CCDC6: variants seen among roughly 807,000 people sequenced by gnomAD.
CCDC6 encodes the protein coiled-coil domain containing 6, also known as coiled-coil domain-containing protein 6.
Under a neutral mutation model 56.6 loss-of-function variants are expected in CCDC6, and 20 were observed. The ratio of observed to expected loss-of-function variants is 0.35; its 90% confidence interval spans 0.25 to 0.51. CCDC6 has a LOEUF of 0.51. Among genes scored for constraint, CCDC6 ranks in the 20% least tolerant of loss-of-function variants. The pLI is 0.95. For missense variants in CCDC6, 367 were observed against 601.1 expected (o/e 0.61, Z 4.07); for synonymous variants, 241 against 234.4 (o/e 1.03, Z -0.26).
chr10:59,906,109 G>A lies in CCDC6; in HGVS notation c.303+13C>T, dbSNP rs773078014. Reference sequence around the variant, plus strand: ...GAGGTCGGCGCTGCGGCGCGTCCCCGGGGGGCACTCACGATGGTCACGCTG... The same window carrying A: ...GAGGTCGGCGCTGCGGCGCGTCCCCAGGGGGCACTCACGATGGTCACGCTG... On this transcript the variant is annotated intron_variant, in intron 1 of 8. Transcript: ENST00000263102. 5.1e-6 allele frequency: 8 copies of A among 1,566,954 alleles called. No individual in the cohort carries two copies. Among genetic ancestry groups the A allele is most frequent in the Non-Finnish European group, 6.1e-6 (7 of 1,154,266 alleles).
At chr10:59,793,875 T>C (rs1589031385) in intron 8 of CCDC6, among the ~76,000 whole-genome samples, 1 of 152,220 alleles carries the variant, frequency 6.6e-6, no homozygotes, top group Non-Finnish European at 1.5e-5. Flanking sequence ...GGTTCTTCTT[T>C]AAAATATTAT....
Position 59,796,178 on chromosome 10 carries a change from G to T in CCDC6, c.1106-1581C>A, listed in dbSNP as rs2070516499. 2.6e-5 allele frequency among the ~76,000 whole-genome samples: 4 copies of T among 152,142 alleles called. No individual in the cohort carries two copies. In the South Asian group the frequency reaches 8.3e-4, roughly 31 times the overall value. ...TTTAATGATTGCCATTCTAACTGGT[G>T]TAAGATGGTATCTCACTGTGGTTTT... On this transcript the variant is annotated intron_variant, in intron 7 of 8. Coordinates refer to ENST00000263102, the MANE Select transcript of CCDC6 (RefSeq NM_005436.5).
chr10:59,843,181 C>T (rs569835477), intron 2 of CCDC6, among the ~76,000 whole-genome samples: 199 of 152,308 alleles, frequency 1.3e-3, no homozygotes, highest in African/African-American at 4.3e-3. Flanking sequence ...CCAACGCGCC[C>T]GGCCAGAAGA....
chr10:59,852,822 T>G, intron 1 of CCDC6, 120 bp from the exon 2 acceptor site: 1 of 732,532 alleles, frequency 1.4e-6, no homozygotes, highest in Non-Finnish European at 2.0e-6. Context: ...TAGAGCTCTA[T>G]TTTTAGCTGT....
intron 1 of CCDC6, among the ~76,000 whole-genome samples, chr10:59,891,499 C>T (rs573292349): frequency 2.6e-5 from 4 of 152,164 alleles, no homozygotes; most frequent in Non-Finnish European, 5.9e-5. Context: ...GCCTAACAAG[C>T]GAATCCCAGT....
chr10:59,819,646 C>T (rs2070736006), intron 3 of CCDC6, among the ~76,000 whole-genome samples: 1 of 152,166 alleles, frequency 6.6e-6, no homozygotes, highest in African/African-American at 2.4e-5. Context: ...ATTCTTGCTT[C>T]AGGTGTAAAA....
intron 2 of CCDC6, among the ~76,000 whole-genome samples, chr10:59,848,419 C>G (rs936186291): frequency 6.6e-6 from 1 of 152,156 alleles, no homozygotes; most frequent in African/African-American, 2.4e-5. Flanking sequence ...TAGCTCACAC[C>G]TATAATCCCA....
intron 1 of CCDC6, among the ~76,000 whole-genome samples, chr10:59,897,715 A>G (rs972946862): frequency 3.3e-5 from 5 of 152,208 alleles, no homozygotes; most frequent in African/African-American, 1.2e-4. Flanking sequence ...AAAAGACTCA[A>G]ACTGTTCACT....
intron 4 of CCDC6, among the ~76,000 whole-genome samples, chr10:59,814,098 C>T (rs941203709): frequency 1.3e-5 from 2 of 152,166 alleles, no homozygotes; most frequent in Non-Finnish European, 2.9e-5. Context: ...CTATCTTGCA[C>T]AAAGAGGTTT....
chr10:59,832,433 T>G, intron 3 of CCDC6, 92 bp downstream of exon 3: 1 of 1,276,098 alleles, frequency 7.8e-7, no homozygotes, highest in Non-Finnish European at 1.1e-6. Flanking sequence ...GAAAACTACT[T>G]TTCACTTAAA....
At chr10:59,811,916 T>C (rs1335441600) in intron 5 of CCDC6, among the ~76,000 whole-genome samples, 1 of 152,178 alleles carries the variant, frequency 6.6e-6, no homozygotes, top group East Asian at 1.9e-4. Flanking sequence ...TAAATAAGTT[T>C]ATATACAAAT....
intron 5 of CCDC6, 85 bp downstream of exon 5, chr10:59,812,549 CA>C (rs1412549341): frequency 1.2e-5 from 10 of 825,978 alleles, no homozygotes; most frequent in Non-Finnish European, 1.8e-5. Context: ...GCAAATTCAA[CA>C]GTAATTAAAT....
At chr10:59,810,478 A>G (rs2070663427) in intron 5 of CCDC6, among the ~76,000 whole-genome samples, 1 of 149,246 alleles carries the variant, frequency 6.7e-6, no homozygotes, top group Non-Finnish European at 1.5e-5. Flanking sequence ...GGCACGATGG[A>G]GCAGTATAAA....
rs148549745 is a variant in CCDC6 at position 59,882,047 on chromosome 10, CAG to C, written c.303+24073_303+24074del. On this transcript the variant is annotated intron_variant, in intron 1 of 8. Coordinates refer to ENST00000263102, the MANE Select transcript of CCDC6 (RefSeq NM_005436.5). ...GCCGCGGGGAGAAGGAAAGGAAAGC[CAG>C]GGGGAGAAGGAAAGGAAAGCCGCGG... Among the ~76,000 whole-genome samples, 134 of 83,678 alleles carry C rather than the reference CAG, an allele frequency of 1.6e-3. 6 individuals are homozygous for C. Among genetic ancestry groups the C allele is most frequent in the African/African-American group, 4.7e-3 (84 of 18,034 alleles). The allele number at this position is 83,678 out of a possible 152,430, so 54.9% of individuals were successfully genotyped here. A position where few individuals can be genotyped will look rare whatever the true frequency, so the allele number is the denominator to read the frequency against.
At chr10:59,808,399 C>T (rs942169608) in intron 5 of CCDC6, among the ~76,000 whole-genome samples, 1 of 152,202 alleles carries the variant, frequency 6.6e-6, no homozygotes, top group Non-Finnish European at 1.5e-5. Context: ...AACACGTCTT[C>T]CTTCCTCTTT....
chr10:59,803,138 T>C (rs1013554891), intron 7 of CCDC6, among the ~76,000 whole-genome samples: 7 of 152,112 alleles, frequency 4.6e-5, no homozygotes, highest in African/African-American at 1.7e-4. Flanking sequence ...AGAAACAGGT[T>C]GGGGAACATC....
intron 1 of CCDC6, among the ~76,000 whole-genome samples, chr10:59,863,195 G>T (rs1301144814): frequency 6.6e-6 from 1 of 152,136 alleles, no homozygotes; most frequent in Non-Finnish European, 1.5e-5. Context: ...GGGAGGAACA[G>T]AATAGGAATG....
rs771089806 is a variant in CCDC6 at position 59,791,004 on chromosome 10, T to C, written c.*1913A>G. Reference sequence around the variant, plus strand: ...ATAAGAAAAACTGAGAACTGTACCATGAAGGCAAAATTTGTTTGCCTACTC... The same window carrying C: ...ATAAGAAAAACTGAGAACTGTACCACGAAGGCAAAATTTGTTTGCCTACTC... On this transcript the variant is annotated 3_prime_UTR_variant, in exon 9 of 9. Transcript: ENST00000263102. The C allele has an allele frequency of 1.6e-4, 33 of 205,354 alleles. No homozygotes were observed. The highest frequency in any genetic ancestry group is 2.7e-4 in the Non-Finnish European group (27 of 100,426). 12.7% of individuals were successfully genotyped at this position (205,354 alleles called of 1,614,324 possible).
intron 2 of CCDC6, among the ~76,000 whole-genome samples, chr10:59,835,280 G>C (rs1023397501): frequency 6.6e-6 from 1 of 152,168 alleles, no homozygotes; most frequent in Non-Finnish European, 1.5e-5. Flanking sequence ...CCACCAAGCA[G>C]CGTTTGTCAT....
Sources: allele counts gnomAD v4.1 joint callset (sites outside exome capture counted in the v4.1 genomes callset), GRCh38; gene constraint gnomAD v4.1.1; transcripts MANE v1.5; gene names NCBI Gene and HGNC (gene_info 2026-07-23, HGNC 2026-07-21).